The following DHX29 variants were observed in gnomAD, a reference collection of about 807,000 sequenced individuals.
The protein encoded by DHX29 is DExH-box helicase 29.
In DHX29, 79 loss-of-function variants were observed where a neutral mutation model predicts 167.9. The ratio of observed to expected loss-of-function variants is 0.47; its 90% confidence interval spans 0.39 to 0.57. DHX29 has a LOEUF of 0.57. DHX29 is among the 20% of genes least tolerant of loss of function. The pLI, the probability that DHX29 is intolerant of heterozygous loss-of-function variation, is 0.00. For missense variants in DHX29, 1,347 were observed against 1,593.4 expected, an observed-to-expected ratio of 0.85 and a Z score of 2.63; for synonymous variants, 530 against 546.0, an observed-to-expected ratio of 0.97 and a Z score of 0.41.
intron 13 of DHX29, among the ~76,000 whole-genome samples, chr5:55,276,773 G>T (rs965761006): frequency 6.6e-6 from 1 of 152,102 alleles, no homozygotes. Flanking sequence ...TTATTGCCAG[G>T]TAGCCACTCT....
chr5:55,264,074 C>T (rs939339003), intron 23 of DHX29, among the ~76,000 whole-genome samples: 9 of 151,682 alleles, frequency 5.9e-5, no homozygotes, highest in African/African-American at 1.9e-4. Flanking sequence ...ATGGGAGGAT[C>T]GCTTGAGACC....
chr5:55,269,463 T>A lies in DHX29; in HGVS notation c.3244A>T (p.Ile1082Phe). The A allele has an allele frequency of 6.2e-7, 1 of 1,613,792 alleles. No homozygotes were observed. Among genetic ancestry groups the A allele is most frequent in the Non-Finnish European group, 8.5e-7 (1 of 1,180,014 alleles). Residue 1082 changes from isoleucine (I) to phenylalanine (F), a missense_variant, in exon 21 of 27, where the codon ATT becomes TTT. Physicochemically the swap from Ile to Phe is conservative, Grantham distance 21 (BLOSUM62 0). Transcript: ENST00000251636. ...GCACCAAAAATAAGCATCTTGCCAA[T>A]CTTGACATTCACAGGTAAAGCTGCA... ...HLAALPVNVKIGKMLIFGAIF... is the reference protein window; with the variant it reads ...HLAALPVNVKFGKMLIFGAIF...
At chr5:55,265,439 A>G (rs956727831) in intron 23 of DHX29, among the ~76,000 whole-genome samples, 1 of 152,152 alleles carries the variant, frequency 6.6e-6, no homozygotes, top group South Asian at 2.1e-4. Context: ...ACCCCTTTAT[A>G]AGAAATACAG....
intron 1 of DHX29, among the ~76,000 whole-genome samples, chr5:55,301,669 C>T (rs1337996536): frequency 2.9e-5 from 4 of 139,444 alleles, no homozygotes; most frequent in South Asian, 2.2e-4. Context: ...GCCGAGATTT[C>T]GCCATTGCAC....
chr5:55,273,941 G>C (rs1452783912), intron 16 of DHX29, among the ~76,000 whole-genome samples: 1 of 152,056 alleles, frequency 6.6e-6, no homozygotes, highest in East Asian at 1.9e-4. Flanking sequence ...ATAAAAATTA[G>C]CTGGGCGTGG....
At chr5:55,298,495 A>C in intron 2 of DHX29, 96 bp downstream of exon 2, 1 of 710,950 alleles carries the variant, frequency 1.4e-6, no homozygotes, top group South Asian at 1.6e-5. Context: ...AAAATTTAAA[A>C]CACCCCATCA....
At chr5:55,286,797 A>C (rs1484583079) in intron 8 of DHX29, among the ~76,000 whole-genome samples, 1 of 152,228 alleles carries the variant, frequency 6.6e-6, no homozygotes, top group Admixed American at 6.5e-5. Context: ...ATGACACTGG[A>C]TAGTACAGAT....
intron 6 of DHX29, among the ~76,000 whole-genome samples, chr5:55,293,259 T>C (rs1748141663): frequency 6.6e-6 from 1 of 152,240 alleles, no homozygotes; most frequent in Non-Finnish European, 1.5e-5. Context: ...CAAGTCTTTG[T>C]GAACAAATGT....
At chr5:55,279,670 G>A (rs1373831448) in intron 12 of DHX29, 1 of 152,634 alleles carries the variant, frequency 6.6e-6, no homozygotes, top group Non-Finnish European at 1.5e-5. Flanking sequence ...AGGACTACAG[G>A]GAAAAGCCAT....
chr5:55,278,551 T>C (rs1360549717), intron 12 of DHX29, among the ~76,000 whole-genome samples: 1 of 152,188 alleles, frequency 6.6e-6, no homozygotes, highest in Non-Finnish European at 1.5e-5. Flanking sequence ...TGCTGGAGTT[T>C]AAAAAGCAAC....
chr5:55,256,604 C>G lies in DHX29; in HGVS notation c.4058-64G>C, dbSNP rs983293414. 26 of 1,490,536 alleles carry G rather than the reference C, an allele frequency of 1.7e-5. No homozygotes were observed. In the South Asian group the frequency reaches 2.3e-4, roughly 13 times the overall value. 92.3% of individuals were successfully genotyped at this position (1,490,536 alleles called of 1,614,324 possible). ...ACATTGTCTAATTTTCCAAGGTATG[C>G]ACATGTAAATAAGAGGTATATGTCA... On this transcript the variant is annotated intron_variant, in intron 26 of 26. Transcript: ENST00000251636.
intron 11 of DHX29, 49 bp downstream of exon 11, chr5:55,283,153 GT>G: frequency 6.5e-7 from 1 of 1,530,572 alleles, no homozygotes; most frequent in Non-Finnish European, 8.8e-7. Context: ...AAAAGCAAAG[GT>G]GAGTAATGTC....
chr5:55,277,370 A>T, intron 12 of DHX29, 88 bp from the exon 13 acceptor site: 1 of 863,302 alleles, frequency 1.2e-6, no homozygotes, highest in Non-Finnish European at 1.7e-6. Context: ...CAGATTTACT[A>T]AAAGTTATTC....
At chr5:55,301,715 A>C (rs1264549071) in intron 1 of DHX29, among the ~76,000 whole-genome samples, 1 of 65,798 alleles carries the variant, frequency 1.5e-5, no homozygotes, top group Non-Finnish European at 2.8e-5. Flanking sequence ...CTCCATCTCA[A>C]AAAAAAAAAA....
chr5:55,270,688 C>A lies in DHX29; in HGVS notation c.2883G>T (p.Gln961His), dbSNP rs757548436. 8 of 1,612,734 alleles carry A rather than the reference C, an allele frequency of 5.0e-6. No homozygotes were observed. The Admixed American group carries it at 1.3e-4, about 27-fold the overall frequency. Reference sequence around the variant, plus strand: ...CAAACGTCTCCACCAAAGAACTCATCTGACTGCTTTCATGGTACCTAAAGA... The same window carrying A: ...CAAACGTCTCCACCAAAGAACTCATATGACTGCTTTCATGGTACCTAAAGA... The part of the protein sequence containing the change: ...TKENKYHESS[Q>H]MSSLVETFVS... The change falls in exon 19 of 27, where the codon CAG becomes CAT. Residue 961 changes from glutamine to histidine, a missense_variant. Gln to His is a conservative substitution (Grantham distance 24). Coordinates refer to ENST00000251636, the MANE Select transcript of DHX29 (RefSeq NM_019030.4).
At chr5:55,276,509 T>A in intron 13 of DHX29, 103 bp from the exon 14 acceptor site, 1 of 913,628 alleles carries the variant, frequency 1.1e-6, no homozygotes, top group Non-Finnish European at 1.6e-6. Context: ...CACCAAATGT[T>A]AATTTAGAAT....
At position 55,283,296 on chromosome 5, in the gene DHX29, G is replaced by C. The variant is rs767439048; in HGVS notation, c.1872C>G (p.Asn624Lys). The part of the protein sequence containing the change: ...LLNEWEASKC[N>K]IVCTQPRRIS... Reference sequence around the variant, plus strand: ...TTCTTCGGGGTTGGGTACAGACAATGTTACATTTACTTGCTTCCCACTCAT... The same window carrying C: ...TTCTTCGGGGTTGGGTACAGACAATCTTACATTTACTTGCTTCCCACTCAT... The change falls in exon 11 of 27, where the codon AAC (asparagine) becomes AAG (lysine). Residue 624 changes from asparagine to lysine, a missense_variant. Coordinates refer to ENST00000251636, the MANE Select transcript of DHX29 (RefSeq NM_019030.4). 6.2e-7 allele frequency: 1 copy of C among 1,614,118 alleles called. No individual in the cohort carries two copies. The highest frequency in any genetic ancestry group is 8.5e-7 in the Non-Finnish European group (1 of 1,179,992).
rs199822611 is a variant in DHX29, at chr5:55,306,267, T to C, written c.187+1120A>G. On this transcript the variant is annotated intron_variant, in intron 1 of 26. Transcript: ENST00000251636. Reference sequence around the variant, plus strand: ...TCCTTTGGCGATGCTTTATGTTCTGTGAATTCCTCAAGAGCCCCAAGCTCT... The same window carrying C: ...TCCTTTGGCGATGCTTTATGTTCTGCGAATTCCTCAAGAGCCCCAAGCTCT... Among the ~76,000 whole-genome samples the C allele has an allele frequency of 2.0e-5, 3 of 152,246 alleles. No homozygotes were observed. The East Asian group carries it at 5.8e-4, about 29-fold the overall frequency.
intron 2 of DHX29, 37 bp downstream of exon 2, chr5:55,298,554 A>G (rs775002867): frequency 8.1e-7 from 1 of 1,240,420 alleles, no homozygotes; most frequent in Non-Finnish European, 1.2e-6. Context: ...AAAGGGGGAA[A>G]CATTTCTTGA....
Sources: allele counts gnomAD v4.1 joint callset (sites outside exome capture counted in the v4.1 genomes callset), GRCh38; gene constraint gnomAD v4.1.1; transcripts MANE v1.5; gene names NCBI Gene and HGNC (gene_info 2026-07-23, HGNC 2026-07-21).